The following ZNF536 variants were observed in gnomAD, a reference collection of about 807,000 sequenced individuals.
ZNF536 encodes zinc finger protein 536.
ZNF536 carries 13 observed loss-of-function variants against 84.5 expected under a neutral mutation model. The observed-to-expected ratio is 0.15, with a 90% CI of 0.10 to 0.24. The LOEUF (loss-of-function observed/expected upper bound fraction) is 0.24. Among genes scored for constraint, ZNF536 ranks in the 10% least tolerant of loss-of-function variants. The probability of loss-of-function intolerance (pLI) is 1.00; values close to 1 mark genes in which losing one functional copy is unlikely to be tolerated. For missense variants in ZNF536, 1,536 were observed against 1,747.5 expected (o/e 0.88, Z 2.16); for synonymous variants, 811 against 742.5 (o/e 1.09, Z -1.50).
chr19:30,633,497 G>C (rs1358875794), intron 1 of ZNF536, among the ~76,000 whole-genome samples: 1 of 152,086 alleles, frequency 6.6e-6, no homozygotes, highest in Non-Finnish European at 1.5e-5. Context: ...TAATGCAATT[G>C]ATCTAAACAA....
chr19:30,444,352 C>G lies in ZNF536; in HGVS notation c.790C>G (p.Gln264Glu). 6.3e-7 allele frequency: 1 copy of G among 1,599,772 alleles called. No homozygotes were observed. Among genetic ancestry groups the G allele is most frequent in the Non-Finnish European group, 8.5e-7 (1 of 1,178,460 alleles). Residue 264 changes from glutamine (Q) to glutamate (E), a missense_variant, in exon 2 of 5, where the codon CAG (glutamine) becomes GAG (glutamate). By Grantham distance (29) the Gln-to-Glu change is conservative. This residue lies in a region of ZNF536 where 138 missense variants were observed against 136.8 expected (regional missense o/e 1.01). Transcript: ENST00000355537. The part of the protein sequence containing the change: ...PVPSPKPASV[Q>E]EDAVAPAAGF... ...GCCCTCGCCCAAGCCTGCCAGCGTGCAGGAGGACGCGGTGGCCCCGGCGGC... is the reference window on the plus strand; with the variant it reads ...GCCCTCGCCCAAGCCTGCCAGCGTGGAGGAGGACGCGGTGGCCCCGGCGGC...
intron 1 of ZNF536, among the ~76,000 whole-genome samples, chr19:30,262,379 CTG>C (rs1284441104): frequency 2.0e-5 from 3 of 152,244 alleles, no homozygotes; most frequent in African/African-American, 7.2e-5. Flanking sequence ...CCTTGTAACT[CTG>C]GGCTGATGCA....
chr19:30,271,403 G>A (rs2025847716), intron 1 of ZNF536, among the ~76,000 whole-genome samples: 1 of 145,310 alleles, frequency 6.9e-6, no homozygotes, highest in South Asian at 2.3e-4. Flanking sequence ...CAGGAAAACA[G>A]TGTGAAATAT....
chr19:30,539,763 G>T (rs2045253618), intron 3 of ZNF536, among the ~76,000 whole-genome samples: 1 of 152,186 alleles, frequency 6.6e-6, no homozygotes, highest in Non-Finnish European at 1.5e-5. Context: ...GCAGGCAGAT[G>T]CTGACAGGTC....
intron 1 of ZNF536, among the ~76,000 whole-genome samples, chr19:30,606,135 C>G (rs997190593): frequency 2.2e-5 from 3 of 138,694 alleles, no homozygotes; most frequent in African/African-American, 8.0e-5. Flanking sequence ...GGCTGGGTGA[C>G]AAAGTGAGAC....
chr19:30,659,954 TGTG>T (rs539697780), intron 1 of ZNF536, among the ~76,000 whole-genome samples: 3,058 of 91,316 alleles, frequency 0.033, 101 homozygotes, highest in African/African-American at 0.14. Flanking sequence ...GACACAAGGG[TGTG>T]TGTGTGTGTG....
At chr19:30,478,823 C>T (rs1234344573) in intron 2 of ZNF536, among the ~76,000 whole-genome samples, 1 of 152,156 alleles carries the variant, frequency 6.6e-6, no homozygotes, top group African/African-American at 2.4e-5. Context: ...TTATTCTGTG[C>T]CCATCTGAAC....
At chr19:30,606,718 G>A (rs1358457183) in intron 1 of ZNF536, among the ~76,000 whole-genome samples, 1 of 152,140 alleles carries the variant, frequency 6.6e-6, no homozygotes, top group Non-Finnish European at 1.5e-5. Flanking sequence ...ACGGGAGGGT[G>A]GCTAGAGTCT....
intron 1 of ZNF536, among the ~76,000 whole-genome samples, chr19:30,705,934 T>C (rs2052208751): frequency 2.0e-5 from 3 of 152,208 alleles, no homozygotes; most frequent in Admixed American, 1.3e-4. Flanking sequence ...ATTCAAAATA[T>C]AACCATAGGA....
intron 1 of ZNF536, among the ~76,000 whole-genome samples, chr19:30,418,394 A>G (rs2050820507): frequency 6.6e-6 from 1 of 152,166 alleles, no homozygotes; most frequent in Non-Finnish European, 1.5e-5. Flanking sequence ...CAGGAAATTA[A>G]CTTAATGCTC....
At chr19:30,261,697 C>CAAAAAAAAAAAAAA (rs56820609) in intron 1 of ZNF536, among the ~76,000 whole-genome samples, 1 of 99,922 alleles carries the variant, frequency 1.0e-5, no homozygotes, top group Admixed American at 1.1e-4. Context: ...GGACCTTGTC[C>CAAAAAAAAAAAAAA]AAAAAAAAAA....
At chr19:30,471,385 G>A (rs2053629034) in intron 2 of ZNF536, among the ~76,000 whole-genome samples, 1 of 152,144 alleles carries the variant, frequency 6.6e-6, no homozygotes, top group African/African-American at 2.4e-5. Context: ...GCAAATGTGG[G>A]GCCCACTGTT....
At chr19:30,491,796 C>G (rs2054519495) in intron 2 of ZNF536, among the ~76,000 whole-genome samples, 1 of 151,808 alleles carries the variant, frequency 6.6e-6, no homozygotes, top group South Asian at 2.1e-4. Context: ...TCTGTGGGTC[C>G]CTTGGGGGAA....
intron 2 of ZNF536, among the ~76,000 whole-genome samples, chr19:30,308,261 A>G (rs1275514532): frequency 6.6e-6 from 1 of 152,208 alleles, no homozygotes; most frequent in Non-Finnish European, 1.5e-5. Context: ...CATTACCCTA[A>G]AAATACTCAC....
intron 3 of ZNF536, among the ~76,000 whole-genome samples, chr19:30,541,419 A>G: frequency 6.6e-6 from 1 of 152,246 alleles, no homozygotes; most frequent in Admixed American, 6.5e-5. Context: ...AAAATCTCCA[A>G]AAGGAGATAA....
chr19:30,325,265 G>T (rs957567427), intron 2 of ZNF536, among the ~76,000 whole-genome samples: 3 of 152,176 alleles, frequency 2.0e-5, no homozygotes, highest in African/African-American at 7.2e-5. Flanking sequence ...GAGGCGATTT[G>T]CCTGTGACTC....
rs147383324 is a variant in ZNF536, at chr19:30,399,821, G to A, written c.-3+27265G>A. 2.8e-3 allele frequency among the ~76,000 whole-genome samples: 419 copies of A among 151,790 alleles called. 2 individuals carry two copies. Among genetic ancestry groups the A allele is most frequent in the African/African-American group, 9.3e-3 (386 of 41,374 alleles). On this transcript the variant is annotated intron_variant, in intron 1 of 4. Coordinates refer to ENST00000355537, the MANE Select transcript of ZNF536 (RefSeq NM_014717.3). ...TCCTGCCTCAGCCTCCCAAGTAGCT[G>A]GGATTACAGGCGCCCACCACCATGC...
chr19:30,342,289 A>T (rs763479754), intron 2 of ZNF536, among the ~76,000 whole-genome samples: 3 of 152,166 alleles, frequency 2.0e-5, no homozygotes, highest in African/African-American at 7.2e-5. Flanking sequence ...GCTGTAGTGC[A>T]TTATTTTTAC....
At chr19:30,673,767 G>A (rs758345060) in intron 1 of ZNF536, among the ~76,000 whole-genome samples, 3 of 152,196 alleles carry the variant, frequency 2.0e-5, no homozygotes, top group Non-Finnish European at 4.4e-5. Context: ...CCGATGTCAG[G>A]TTCCCCATGT....
Sources: allele counts gnomAD v4.1 joint callset (sites outside exome capture counted in the v4.1 genomes callset), GRCh38; gene constraint gnomAD v4.1.1; regional missense constraint gnomAD v4.1.1; transcripts MANE v1.5; gene names NCBI Gene and HGNC (gene_info 2026-07-23, HGNC 2026-07-21).